CDH13: variants seen among roughly 807,000 people sequenced by gnomAD.
CDH13 encodes cadherin 13.
CDH13 carries 24 observed loss-of-function variants against 63.8 expected under a neutral mutation model. The ratio of observed to expected loss-of-function variants is 0.38; its 90% CI spans 0.27 to 0.53. CDH13 has a LOEUF of 0.53. Among genes scored for constraint, CDH13 ranks in the 20% least tolerant of loss-of-function variants. The pLI is 0.85. For missense variants in CDH13, 1,049 were observed against 903.1 expected (o/e 1.16, Z -2.07); for synonymous variants, 503 against 355.3 (o/e 1.42, Z -4.67).
intron 5 of CDH13, among the ~76,000 whole-genome samples, chr16:83,222,337 A>G (rs1483740933): frequency 6.6e-6 from 1 of 152,104 alleles, no homozygotes; most frequent in African/African-American, 2.4e-5. Flanking sequence ...TTCTTTTGTT[A>G]ATGTGGCTCT....
chr16:83,322,725 A>G (rs928250941), intron 5 of CDH13, among the ~76,000 whole-genome samples: 1 of 152,118 alleles, frequency 6.6e-6, no homozygotes, highest in African/African-American at 2.4e-5. Context: ...TTACTAATGT[A>G]TTCAGGTTTA....
chr16:83,678,551 A>G, intron 10 of CDH13, 90 bp downstream of exon 10: 1 of 1,471,860 alleles, frequency 6.8e-7, no homozygotes, highest in Non-Finnish European at 9.3e-7. Context: ...AGGAGCAGAC[A>G]CCATTAAATT....
intron 1 of CDH13, among the ~76,000 whole-genome samples, chr16:82,848,869 C>G (rs2039371143): frequency 6.6e-6 from 1 of 152,114 alleles, no homozygotes; most frequent in African/African-American, 2.4e-5. Flanking sequence ...ATGTCAAAAG[C>G]TGAGGTAGGC....
chr16:83,527,765 T>C (rs1263236007), intron 7 of CDH13, among the ~76,000 whole-genome samples: 1 of 152,218 alleles, frequency 6.6e-6, no homozygotes, highest in Non-Finnish European at 1.5e-5. Context: ...CAGCACCTAT[T>C]ACGGTTGTTG....
intron 5 of CDH13, among the ~76,000 whole-genome samples, chr16:83,321,145 C>G (rs1389402148): frequency 2.0e-5 from 3 of 152,194 alleles, no homozygotes; most frequent in Non-Finnish European, 4.4e-5. Context: ...ATTTTGAAAA[C>G]TAGTTTGTGC....
chr16:83,110,223 C>T (rs2034991987), intron 3 of CDH13, among the ~76,000 whole-genome samples: 2 of 152,218 alleles, frequency 1.3e-5, no homozygotes, highest in Admixed American at 6.5e-5. Context: ...ACTTGCAGAT[C>T]TCACGTTCTG....
At chr16:83,218,465 AG>A (rs11300795) in intron 5 of CDH13, among the ~76,000 whole-genome samples, 27,779 of 152,056 alleles carry the variant, frequency 0.18, 2,914 homozygotes, top group African/African-American at 0.27. Context: ...CTTATACTCA[AG>A]GGGGAATCAG....
chr16:83,391,594 C>G (rs972542384), intron 6 of CDH13, among the ~76,000 whole-genome samples: 1 of 152,064 alleles, frequency 6.6e-6, no homozygotes, highest in Non-Finnish European at 1.5e-5. Flanking sequence ...TATGCAAATG[C>G]AAATACTCTG....
chr16:82,663,443 C>T (rs1912209850), intron 1 of CDH13, among the ~76,000 whole-genome samples: 1 of 152,088 alleles, frequency 6.6e-6, no homozygotes, highest in Non-Finnish European at 1.5e-5. Context: ...CCTCGGCCTC[C>T]CAAAATGCTG....
intron 13 of CDH13, among the ~76,000 whole-genome samples, chr16:83,794,136 C>A (rs888421196): frequency 1.3e-5 from 2 of 152,194 alleles, no homozygotes; most frequent in East Asian, 1.9e-4. Flanking sequence ...CTGGTCAACA[C>A]TGATTTGAGC....
rs1293056447 is a variant in CDH13, at chr16:83,419,537, G to A, written c.782-66940G>A. 2.0e-5 allele frequency among the ~76,000 whole-genome samples: 3 copies of A among 152,238 alleles called. No individual in the cohort carries two copies. The East Asian group carries it at 5.8e-4, about 29-fold the overall frequency. The stretch of plus-strand genomic sequence containing the variant: ...AATGATAGCCAACCAAGACATTACA[G>A]AACAATTGCCATGCTCTACCAGTAG... On this transcript the variant is annotated intron_variant, in intron 6 of 13. Coordinates refer to ENST00000567109, the MANE Select transcript of CDH13 (RefSeq NM_001257.5).
intron 5 of CDH13, among the ~76,000 whole-genome samples, chr16:83,221,640 C>A (rs944504347): frequency 1.1e-5 from 1 of 92,338 alleles, no homozygotes; most frequent in African/African-American, 4.2e-5. Flanking sequence ...ATCTGTTAGG[C>A]GAGTGGGGGA....
chr16:83,748,173 C>A lies in CDH13; in HGVS notation c.1604C>A (p.Thr535Asn). 1 of 1,613,888 alleles carries A rather than the reference C, an allele frequency of 6.2e-7. No homozygotes were observed. The highest frequency in any genetic ancestry group is 1.1e-5 in the South Asian group (1 of 91,078). The change falls in exon 11 of 14, where the codon ACC becomes AAC. Residue 535 changes from threonine to asparagine, a missense_variant. By Grantham distance (65) the Thr-to-Asn change is moderately conservative. Coordinates refer to ENST00000567109, the MANE Select transcript of CDH13 (RefSeq NM_001257.5). ...NINPINGTVD[T>N]TAVLDRESPF... is the part of the protein sequence containing the mutation. ...AACCCCATCAATGGGACTGTTGACACCACAGCTGTGCTGGACCGTGAGTCC... is the reference window on the plus strand; with the variant it reads ...AACCCCATCAATGGGACTGTTGACAACACAGCTGTGCTGGACCGTGAGTCC...
At chr16:83,731,494 C>T (rs1056840860) in intron 10 of CDH13, among the ~76,000 whole-genome samples, 1 of 152,120 alleles carries the variant, frequency 6.6e-6, no homozygotes, top group African/African-American at 2.4e-5. Flanking sequence ...TGTCTTTGAC[C>T]ATTTTGTAAT....
intron 3 of CDH13, among the ~76,000 whole-genome samples, chr16:83,050,540 C>T (rs761045063): frequency 6.6e-6 from 1 of 152,176 alleles, no homozygotes; most frequent in African/African-American, 2.4e-5. Context: ...TTCCTCCTGC[C>T]ATTGGAAGTG....
chr16:83,417,490 T>TTC (rs1230618423), intron 6 of CDH13, among the ~76,000 whole-genome samples: 1 of 151,946 alleles, frequency 6.6e-6, no homozygotes, highest in Non-Finnish European at 1.5e-5. Context: ...TGCTCTTGCC[T>TTC]TCTTGCCTTC....
chr16:83,670,037 A>C (rs2150855174), intron 8 of CDH13, among the ~76,000 whole-genome samples: 1 of 152,322 alleles, frequency 6.6e-6, no homozygotes, highest in South Asian at 2.1e-4. Context: ...TACTTGAAAC[A>C]AGAATTTGAG....
At chr16:83,150,491 T>C (rs563921781) in intron 4 of CDH13, among the ~76,000 whole-genome samples, 2 of 152,268 alleles carry the variant, frequency 1.3e-5, no homozygotes, top group South Asian at 4.1e-4. Flanking sequence ...TGACATCATT[T>C]TCACCTTCAA....
chr16:82,901,980 C>G (rs1256088373), intron 2 of CDH13, among the ~76,000 whole-genome samples: 1 of 152,206 alleles, frequency 6.6e-6, no homozygotes, highest in African/African-American at 2.4e-5. Flanking sequence ...TGAGATAAAG[C>G]TGAGATTTCT....
Sources: allele counts gnomAD v4.1 joint callset (sites outside exome capture counted in the v4.1 genomes callset), GRCh38; gene constraint gnomAD v4.1.1; transcripts MANE v1.5; gene names NCBI Gene and HGNC (gene_info 2026-07-23, HGNC 2026-07-21).